The following TFEC variants were observed in gnomAD, a reference collection of about 807,000 sequenced individuals.
The protein encoded by TFEC is transcription factor EC.
A neutral mutation model predicts 41.6 loss-of-function variants in TFEC; 31 were observed. That is an observed-to-expected ratio of 0.74 (90% confidence interval 0.56 to 1.01). The LOEUF (loss-of-function observed/expected upper bound fraction) is 1.01, where lower values mean the gene tolerates loss of function less well. TFEC is among the 50% of genes least tolerant of loss of function. The pLI is 0.00. For missense variants in TFEC, 402 were observed against 404.1 expected (o/e 0.99, Z 0.04); for synonymous variants, 143 against 140.6 (o/e 1.02, Z -0.12).
At chr7:116,095,081 C>CA (rs1259830020) in intron 3 of TFEC, among the ~76,000 whole-genome samples, 1 of 152,120 alleles carries the variant, frequency 6.6e-6, no homozygotes, top group Non-Finnish European at 1.5e-5. Flanking sequence ...TACCCACTTG[C>CA]AAAAGCATCA....
At chr7:116,132,285 C>T (rs1411803288) in intron 1 of TFEC, among the ~76,000 whole-genome samples, 1 of 152,178 alleles carries the variant, frequency 6.6e-6, no homozygotes, top group Non-Finnish European at 1.5e-5. Flanking sequence ...TTATATGGCA[C>T]TGTTCAAAAA....
At chr7:116,006,259 A>T (rs1032858665) in intron 1 of TFEC, among the ~76,000 whole-genome samples, 8 of 152,146 alleles carry the variant, frequency 5.3e-5, no homozygotes, top group African/African-American at 1.9e-4. Context: ...AACAGCTTGC[A>T]CCATGCACCT....
chr7:116,107,327 A>C (rs956799547), intron 3 of TFEC, among the ~76,000 whole-genome samples: 2 of 152,320 alleles, frequency 1.3e-5, no homozygotes, highest in Admixed American at 6.5e-5. Context: ...TTCTAAAAAA[A>C]CTGAGCATAG....
In TFEC at chr7:116,142,943, C is replaced by G. The variant is rs182571547; in HGVS notation, c.-69+16847G>C. On this transcript the variant is annotated intron_variant, in intron 1 of 8. Coordinates refer to the TFEC transcript ENST00000484212. The stretch of plus-strand genomic sequence containing the variant: ...ATAGACCACCGATTATTTATAGAAC[C>G]CTCTGAGTTTTAGCTGAGTACCTGG... 1.5e-3 allele frequency among the ~76,000 whole-genome samples: 227 copies of G among 152,208 alleles called. 1 individual carries two copies. Among genetic ancestry groups the G allele is most frequent in the African/African-American group, 5.3e-3 (221 of 41,534 alleles).
intron 3 of TFEC, among the ~76,000 whole-genome samples, chr7:116,103,728 C>A (rs1006419426): frequency 6.6e-6 from 1 of 152,018 alleles, no homozygotes; most frequent in Non-Finnish European, 1.5e-5. Context: ...TCCGGACACG[C>A]ATATTTAAAA....
chr7:116,054,268 A>T (rs1474727328), intron 3 of TFEC, among the ~76,000 whole-genome samples: 6 of 152,178 alleles, frequency 3.9e-5, no homozygotes. Context: ...ATCTTCAAAG[A>T]GGTATACTAG....
chr7:116,118,098 T>C, intron 1 of TFEC, among the ~76,000 whole-genome samples: 1 of 151,760 alleles, frequency 6.6e-6, no homozygotes, highest in South Asian at 2.1e-4. Context: ...TCTCTTAGAG[T>C]TGACCTTTAT....
At chr7:115,961,068 CAT>C (rs1166443904) in intron 3 of TFEC, among the ~76,000 whole-genome samples, 4 of 151,616 alleles carry the variant, frequency 2.6e-5, no homozygotes, top group Admixed American at 1.3e-4. Context: ...CTTTAACACA[CAT>C]CTCTTCATTT....
chr7:116,136,121 T>C (rs989974330), intron 1 of TFEC, among the ~76,000 whole-genome samples: 1 of 152,066 alleles, frequency 6.6e-6, no homozygotes, highest in Admixed American at 6.6e-5. Flanking sequence ...ATCTTGATTA[T>C]TGTACTCAGT....
intron 1 of TFEC, among the ~76,000 whole-genome samples, chr7:115,993,457 C>A (rs1794217431): frequency 6.6e-6 from 1 of 152,046 alleles, no homozygotes; most frequent in East Asian, 1.9e-4. Context: ...TTTAGAAAAC[C>A]CCATCATCTC....
intron 3 of TFEC, among the ~76,000 whole-genome samples, chr7:116,083,236 T>C (rs1797130445): frequency 6.6e-6 from 1 of 151,904 alleles, no homozygotes; most frequent in Non-Finnish European, 1.5e-5. Flanking sequence ...CAAGGCTAAC[T>C]TCTTCTAAAG....
rs530896259 is a variant in TFEC, at chr7:115,981,725, C to T, written c.180+2537G>A. 7.9e-5 allele frequency among the ~76,000 whole-genome samples: 12 copies of T among 152,270 alleles called. No homozygotes were observed. The South Asian group carries it at 2.5e-3, about 32-fold the overall frequency. ...AAACTCAGATAACAGGCGCTAAGCC[C>T]AGACAGAGCATCACCAGGGAAAGCA... On this transcript the variant is annotated intron_variant, in intron 2 of 7. Coordinates refer to ENST00000265440, the MANE Select transcript of TFEC (RefSeq NM_012252.4).
At chr7:116,083,260 T>A (rs761095325) in intron 3 of TFEC, among the ~76,000 whole-genome samples, 1 of 151,772 alleles carries the variant, frequency 6.6e-6, no homozygotes, top group African/African-American at 2.4e-5. Flanking sequence ...TTGGAGTGAC[T>A]AGTGAAAAAA....
intron 1 of TFEC, among the ~76,000 whole-genome samples, chr7:116,155,786 CGGGG>C (rs1798858437): frequency 1.3e-5 from 2 of 152,048 alleles, no homozygotes; most frequent in African/African-American, 4.8e-5. Flanking sequence ...TTCTTTGTCA[CGGGG>C]CTGCCTAATT....
intron 1 of TFEC, among the ~76,000 whole-genome samples, chr7:116,141,879 G>A (rs1291899087): frequency 6.6e-6 from 1 of 152,182 alleles, no homozygotes; most frequent in Non-Finnish European, 1.5e-5. Context: ...TGAGTTTAAG[G>A]CTGCAATTGA....
At chr7:116,051,060 C>T (rs1480815230) in intron 3 of TFEC, among the ~76,000 whole-genome samples, 2 of 152,168 alleles carry the variant, frequency 1.3e-5, no homozygotes, top group Non-Finnish European at 1.5e-5. Flanking sequence ...GAAAACCAAA[C>T]ACCGCATGTC....
chr7:116,051,039 T>C (rs1405450789), intron 3 of TFEC, among the ~76,000 whole-genome samples: 2 of 152,058 alleles, frequency 1.3e-5, no homozygotes, highest in Non-Finnish European at 2.9e-5. Flanking sequence ...AAGCAAACTA[T>C]TGCAAGGACA....
At chr7:116,035,586 AT>A (rs1795890873), upstream of TFEC, among the ~76,000 whole-genome samples, 1 of 152,148 alleles carries the variant, frequency 6.6e-6, no homozygotes, top group Non-Finnish European at 1.5e-5. Context: ...TAGCCAAAAT[AT>A]TTTGAAAATT....
At chr7:116,156,266 T>C (rs1186708759) in intron 1 of TFEC, among the ~76,000 whole-genome samples, 1 of 152,188 alleles carries the variant, frequency 6.6e-6, no homozygotes, top group Non-Finnish European at 1.5e-5. Flanking sequence ...TCATGGAGCA[T>C]TCTTGGAGCA....
Sources: gnomAD v4.1 joint callset for allele counts (sites outside exome capture counted in the v4.1 genomes callset) on GRCh38, gnomAD v4.1.1 for gene constraint, MANE v1.5 for transcripts, NCBI Gene and HGNC (gene_info 2026-07-23, HGNC 2026-07-21) for gene names.